Variants in MED26 observed in about 807,000 individuals in gnomAD.
The protein encoded by MED26 is mediator of RNA polymerase II transcription subunit 26.
MED26 carries 7 observed loss-of-function variants against 43.7 expected under a neutral mutation model. The ratio of observed to expected loss-of-function variants is 0.16; its 90% confidence interval spans 0.09 to 0.30. The LOEUF (loss-of-function observed/expected upper bound fraction) is 0.30, where lower values mean the gene tolerates loss of function less well. Among genes scored for constraint, MED26 ranks in the 10% least tolerant of loss-of-function variants. MED26 has a pLI of 1.00. For synonymous variants in MED26, 375 were observed against 371.1 expected (o/e 1.01, Z -0.12); for missense variants, 784 against 840.6 (o/e 0.93, Z 0.83).
chr19:16,585,041 G>C (rs2086064403), intron 1 of MED26, among the ~76,000 whole-genome samples: 1 of 152,124 alleles, frequency 6.6e-6, no homozygotes, highest in Non-Finnish European at 1.5e-5. Flanking sequence ...ACGTGAGCCT[G>C]TCTCAAGTCT....
chr19:16,597,576 C>T (rs2086126816), intron 1 of MED26: 1 of 397,520 alleles, frequency 2.5e-6, no homozygotes, highest in African/African-American at 2.1e-5. Flanking sequence ...AGGAGGCACA[C>T]ACCAACACGG....
chr19:16,598,621 C>A (rs1005310480), intron 1 of MED26, among the ~76,000 whole-genome samples: 12 of 152,176 alleles, frequency 7.9e-5, no homozygotes, highest in Admixed American at 7.9e-4. Flanking sequence ...GTTGAGAAGT[C>A]GCGTCAACAA....
In MED26 at chr19:16,575,073, G is replaced by A. The variant is rs2085984824; in HGVS notation, c.*954C>T. On this transcript the variant is annotated 3_prime_UTR_variant, in exon 3 of 3. Transcript: ENST00000263390. ...CCTTGTTTTTGCAAATCGCGTTTAT[G>A]ACAAATAACCATAAGGCAAACGAAT... 1 of 152,572 alleles carries A rather than the reference G, an allele frequency of 6.6e-6. No homozygotes were observed. The highest frequency in any genetic ancestry group is 1.5e-5 in the Non-Finnish European group (1 of 68,024). The allele number at this position is 152,572 out of a possible 1,614,324, so 9.5% of individuals were successfully genotyped here.
At chr19:16,601,520 T>C (rs2086149369) in intron 1 of MED26, among the ~76,000 whole-genome samples, 2 of 152,232 alleles carry the variant, frequency 1.3e-5, no homozygotes, top group African/African-American at 4.8e-5. Context: ...AAAGCACGCC[T>C]GTGGCCTTGA....
rs1189796808 is a variant in MED26 at position 16,577,128 on chromosome 19, G to A, written c.702C>T (p.Gly234=). The A allele has an allele frequency of 6.2e-7, 1 of 1,613,228 alleles. No homozygotes were observed. The highest frequency in any genetic ancestry group is 1.7e-5 in the Admixed American group (1 of 60,018). Residue 234 remains glycine, a synonymous_variant, in exon 3 of 3, where the codon GGC becomes GGT. Transcript: ENST00000263390. The surrounding 1 kb of genome is among the most constrained non-coding windows in gnomAD (Gnocchi z 8.1). ...AGCAGGGTCCAGGGGGCTTGCCCAG[G>A]CCCGGGGAGCTGGTGTGCGGTCGCA... ...NAVRPHTSSP[G]LGKPPGPCLQ...
At chr19:16,625,392 G>T (rs1478122997) in intron 1 of MED26, among the ~76,000 whole-genome samples, 1 of 152,166 alleles carries the variant, frequency 6.6e-6, no homozygotes, top group African/African-American at 2.4e-5. Flanking sequence ...GTGGATATTA[G>T]GTCAGTTCCT....
chr19:16,584,297 C>T (rs1340385290), intron 1 of MED26, among the ~76,000 whole-genome samples: 1 of 141,522 alleles, frequency 7.1e-6, no homozygotes, highest in African/African-American at 2.9e-5. Flanking sequence ...AAACACTGCC[C>T]CCCCCCGCCC....
chr19:16,627,740 G>A, intron 1 of MED26, 132 bp downstream of exon 1: 1 of 553,712 alleles, frequency 1.8e-6, no homozygotes, highest in South Asian at 5.6e-5. Context: ...GAGAGGCAGG[G>A]ATGGCAGCGG....
intron 1 of MED26, among the ~76,000 whole-genome samples, chr19:16,583,357 T>A (rs573935871): frequency 1.3e-5 from 2 of 152,260 alleles, no homozygotes; most frequent in Non-Finnish European, 1.5e-5. Context: ...CCTCAATAGA[T>A]GCAGATGGGT....
Position 16,577,078 on chromosome 19 carries a change from T to C in MED26, c.752A>G (p.Gln251Arg). 1.2e-6 allele frequency: 2 copies of C among 1,609,062 alleles called. No homozygotes were observed. The highest frequency in any genetic ancestry group is 1.7e-6 in the Non-Finnish European group (2 of 1,176,522). ...AGTCTCGTCCACCCTGTCCAGCTGC[T>C]GCAGCACCGAAGCCTTTGGCTGCAA... ...PCLQPKASVL[Q>R]QLDRVDETPG... Residue 251 changes from glutamine (Q) to arginine (R), a missense_variant, in exon 3 of 3, where the codon CAG (glutamine) becomes CGG (arginine). Gln to Arg is a conservative substitution (Grantham distance 43, BLOSUM62 1). This residue lies in a region of MED26 where 719 missense variants were observed against 730.9 expected (regional missense o/e 0.98). Coordinates refer to ENST00000263390, the MANE Select transcript of MED26 (RefSeq NM_004831.5). The surrounding 1 kb of genome is among the most constrained non-coding windows in gnomAD (Gnocchi z 8.1).
At chr19:16,595,440 T>C (rs2086115988) in intron 1 of MED26, among the ~76,000 whole-genome samples, 2 of 152,220 alleles carry the variant, frequency 1.3e-5, no homozygotes, top group South Asian at 2.1e-4. Context: ...AGATGTGCGC[T>C]GTCTTGAACC....
chr19:16,587,743 T>C lies in MED26; in HGVS notation c.73-9334A>G, dbSNP rs1468653526. On this transcript the variant is annotated intron_variant, in intron 1 of 2. Transcript: ENST00000263390. The surrounding 1 kb of genome is among the most constrained non-coding windows in gnomAD (Gnocchi z 4.9). Reference sequence around the variant, plus strand: ...CCTGCAGCCACAGCTCCTGTAATGCTTGGGCAAGTATGCAATTGCATGCTA... The same window carrying C: ...CCTGCAGCCACAGCTCCTGTAATGCCTGGGCAAGTATGCAATTGCATGCTA... 1 of 152,332 alleles carries C rather than the reference T, an allele frequency of 6.6e-6. No individual in the cohort carries two copies. Among genetic ancestry groups the C allele is most frequent in the Middle Eastern group, 3.1e-3 (1 of 320 alleles). 9.4% of individuals were successfully genotyped at this position (152,332 alleles called of 1,614,324 possible). A position where few individuals can be genotyped will look rare whatever the true frequency, so the allele number is the denominator to read the frequency against.
At chr19:16,619,494 G>A (rs2086241836) in intron 1 of MED26, among the ~76,000 whole-genome samples, 1 of 152,244 alleles carries the variant, frequency 6.6e-6, no homozygotes, top group Admixed American at 6.5e-5. Flanking sequence ...TCATCAAGGG[G>A]ATAAGAACTT....
intron 1 of MED26, among the ~76,000 whole-genome samples, chr19:16,593,665 G>A (rs1282897407): frequency 1.3e-5 from 2 of 152,040 alleles, no homozygotes; most frequent in Non-Finnish European, 2.9e-5. Flanking sequence ...GAGCAAACAC[G>A]CTTTGTCCCG....
intron 1 of MED26, among the ~76,000 whole-genome samples, chr19:16,616,904 C>A (rs1280929807): frequency 6.6e-6 from 1 of 152,112 alleles, no homozygotes; most frequent in East Asian, 1.9e-4. Context: ...TCCAAGTGCC[C>A]ATGGTGAGCA....
chr19:16,581,268 G>C (rs1365610688), intron 1 of MED26, among the ~76,000 whole-genome samples: 1 of 152,216 alleles, frequency 6.6e-6, no homozygotes, highest in Non-Finnish European at 1.5e-5. Flanking sequence ...GTGTCATGGT[G>C]GGGGTGGACG....
chr19:16,584,299 C>A (rs573297994), intron 1 of MED26, among the ~76,000 whole-genome samples: 1 of 142,094 alleles, frequency 7.0e-6, no homozygotes, highest in Non-Finnish European at 1.5e-5. Context: ...ACACTGCCCC[C>A]CCCCGCCCCG....
intron 1 of MED26, among the ~76,000 whole-genome samples, chr19:16,599,229 C>T (rs1396873775): frequency 6.6e-6 from 1 of 152,124 alleles, no homozygotes. Flanking sequence ...ATACTTTTCC[C>T]TAGTACCCAT....
At chr19:16,617,244 C>A (rs1001994746) in intron 1 of MED26, among the ~76,000 whole-genome samples, 1 of 152,164 alleles carries the variant, frequency 6.6e-6, no homozygotes, top group African/African-American at 2.4e-5. Flanking sequence ...ACCTAACGTG[C>A]CCCCTCCCCA....
Sources: gnomAD v4.1 joint callset for allele counts (sites outside exome capture counted in the v4.1 genomes callset) on GRCh38, gnomAD v4.1.1 for gene constraint, gnomAD v4.1.1 regional missense constraint, Gnocchi (gnomAD v3.1) non-coding constraint, MANE v1.5 for transcripts, NCBI Gene and HGNC (gene_info 2026-07-23, HGNC 2026-07-21) for gene names.